TRPM4: variants seen among roughly 807,000 people sequenced by gnomAD.
The protein encoded by TRPM4 is calcium-activated non-selective cation channel 1.
TRPM4 carries 124 observed loss-of-function variants against 135.6 expected under a neutral mutation model. The ratio of observed to expected loss-of-function variants is 0.91; its 90% CI spans 0.79 to 1.06. TRPM4 has a LOEUF of 1.06. Among genes scored for constraint, TRPM4 ranks in the 50% least tolerant of loss-of-function variants. The pLI, the probability that TRPM4 is intolerant of heterozygous loss-of-function variation, is 0.00. For synonymous variants in TRPM4, 745 were observed against 705.6 expected, an observed-to-expected ratio of 1.06 and a Z score of -0.88; for missense variants, 1,658 against 1,671.4, an observed-to-expected ratio of 0.99 and a Z score of 0.14.
chr19:49,197,298 CTTTCTTTCTT>C (rs769819044), intron 17 of TRPM4, among the ~76,000 whole-genome samples: 196 of 124,368 alleles, frequency 1.6e-3, no homozygotes, highest in Admixed American at 2.2e-3. Context: ...CTTTCTTTCT[CTTTCTTTCTT>C]TTTCTTTCTT....
chr19:49,165,621 C>T (rs1192927919), intron 2 of TRPM4, among the ~76,000 whole-genome samples: 1 of 152,128 alleles, frequency 6.6e-6, no homozygotes. Context: ...TGAAGCCGCT[C>T]GCCCAAAGTC....
At position 49,182,655 on chromosome 19, in the gene TRPM4, C is replaced by A; in HGVS notation, c.1341C>A (p.His447Gln). ...AGTTCGTGCGCTTGCTCATTTCCCA[C>A]GGCCTCAGCCTGGGCCACTTCCTGA... ...RPEFVRLLIS[H>Q]GLSLGHFLTP... Residue 447 changes from histidine (H) to glutamine (Q), a missense_variant, in exon 11 of 25, where the codon CAC (histidine) becomes CAA (glutamine). By Grantham distance (24) the His-to-Gln change is conservative. Transcript: ENST00000252826. 6.2e-7 allele frequency: 1 copy of A among 1,614,226 alleles called. No individual in the cohort carries two copies.
chr19:49,185,397 A>G (rs1248102157), intron 12 of TRPM4, among the ~76,000 whole-genome samples: 1 of 152,078 alleles, frequency 6.6e-6, no homozygotes, highest in Non-Finnish European at 1.5e-5. Flanking sequence ...TACCAGCCAC[A>G]TGCCAAGCTA....
intron 2 of TRPM4, among the ~76,000 whole-genome samples, chr19:49,162,684 G>A (rs552457105): frequency 1.6e-4 from 24 of 152,130 alleles, no homozygotes; most frequent in African/African-American, 5.1e-4. Context: ...TTTTGGAAAC[G>A]TTCTATGTCT....
chr19:49,194,961 CA>C (rs899585300), intron 16 of TRPM4, among the ~76,000 whole-genome samples: 13 of 150,890 alleles, frequency 8.6e-5, no homozygotes, highest in African/African-American at 3.2e-4. Context: ...GGGGTTTCAC[CA>C]TGTTGCCCAG....
rs1331680465 is a variant in TRPM4, at chr19:49,157,794, G to A, written c.-73G>A. ...GTGGAGGATCCGGTTTGCTCTGGGCGGGTCTGGAAGCAGAGCCGGCGGAGG... is the reference window on the plus strand; with the variant it reads ...GTGGAGGATCCGGTTTGCTCTGGGCAGGTCTGGAAGCAGAGCCGGCGGAGG... On this transcript the variant is annotated 5_prime_UTR_variant, in exon 1 of 25. Coordinates refer to ENST00000252826, the MANE Select transcript of TRPM4 (RefSeq NM_017636.4). The A allele has an allele frequency of 6.5e-7, 1 of 1,529,516 alleles. No individual in the cohort carries two copies. Among genetic ancestry groups the A allele is most frequent in the Non-Finnish European group, 8.8e-7 (1 of 1,142,782 alleles). 94.7% of individuals were successfully genotyped at this position (1,529,516 alleles called of 1,614,324 possible). A position where few individuals can be genotyped will look rare whatever the true frequency, so the allele number is the denominator to read the frequency against.
At chr19:49,175,506 G>T (rs1411284963) in intron 9 of TRPM4, among the ~76,000 whole-genome samples, 1 of 151,872 alleles carries the variant, frequency 6.6e-6, no homozygotes, top group African/African-American at 2.4e-5. Context: ...ATTGTGCTTA[G>T]GCCAGAAGAA....
At chr19:49,161,937 C>T (rs1353950176) in intron 2 of TRPM4, among the ~76,000 whole-genome samples, 1 of 152,118 alleles carries the variant, frequency 6.6e-6, no homozygotes, top group Non-Finnish European at 1.5e-5. Flanking sequence ...GCCCTGGCTA[C>T]TTCTTTCTGT....
At position 49,162,447 on chromosome 19, in the gene TRPM4, G is replaced by A. The variant is rs543495236; in HGVS notation, c.93-3594G>A. Among the ~76,000 whole-genome samples, 451 of 152,224 alleles carry A rather than the reference G, an allele frequency of 3.0e-3. 1 individual carries two copies. The highest frequency in any genetic ancestry group is 0.01 in the African/African-American group (432 of 41,554). ...CCAGCTACTCAGGATGCTGAGGCAC[G>A]AGAGTCGCTTGAGCCCAGGTGGCAG... On this transcript the variant is annotated intron_variant, in intron 2 of 24. Transcript: ENST00000252826.
chr19:49,211,669 A>C lies in TRPM4; in HGVS notation c.*171A>C. 1.2e-6 allele frequency: 1 copy of C among 846,230 alleles called. No individual in the cohort carries two copies. The allele number at this position is 846,230 out of a possible 1,614,324, so 52.4% of individuals were successfully genotyped here. ...TGGGAGTGTCATCCTTACAAACCAC[A>C]GCATGCCCGGCTCCTCCCAGAACCA... On this transcript the variant is annotated 3_prime_UTR_variant, in exon 25 of 25. Coordinates refer to ENST00000252826, the MANE Select transcript of TRPM4 (RefSeq NM_017636.4). This position sits in a 1 kb window ranked among gnomAD's most constrained non-coding sequence, Gnocchi z 4.8.
chr19:49,166,236 C>T (rs1240223645), intron 3 of TRPM4, 21 bp downstream of exon 3: 40 of 1,575,868 alleles, frequency 2.5e-5, no homozygotes, highest in Non-Finnish European at 3.4e-5. Context: ...CCTCTGTGGG[C>T]GGGGCCCGGG....
At chr19:49,187,308 C>G (rs1217151840) in intron 12 of TRPM4, among the ~76,000 whole-genome samples, 1 of 151,764 alleles carries the variant, frequency 6.6e-6, no homozygotes, top group Non-Finnish European at 1.5e-5. Context: ...TTTGAAGTTC[C>G]CTACACTGGC....
At position 49,171,042 on chromosome 19, in the gene TRPM4, C is replaced by T. The variant is rs1180249413; in HGVS notation, c.797-315C>T. Among the ~76,000 whole-genome samples the T allele has an allele frequency of 2.0e-5, 3 of 151,898 alleles. No homozygotes were observed. Among genetic ancestry groups the T allele is most frequent in the Admixed American group, 6.6e-5 (1 of 15,222 alleles). On this transcript the variant is annotated intron_variant, in intron 6 of 24. Transcript: ENST00000252826. The surrounding 1 kb of genome is among the most constrained non-coding windows in gnomAD (Gnocchi z 4.7). Reference sequence around the variant, plus strand: ...TCATGCCCCTGCACTCTATCCTGGGCGATAGAGTGACACCCTGTTTCAGAA... The same window carrying T: ...TCATGCCCCTGCACTCTATCCTGGGTGATAGAGTGACACCCTGTTTCAGAA...
chr19:49,202,242 A>G (rs1968965817), intron 20 of TRPM4, 101 bp downstream of exon 20: 3 of 1,382,530 alleles, frequency 2.2e-6, no homozygotes, highest in Admixed American at 1.7e-5. Flanking sequence ...TTAGTCCCTG[A>G]ACTCTGATCC....
Position 49,202,276 on chromosome 19 carries a change from A to T in TRPM4, c.3131+135A>T, listed in dbSNP as rs562898126. ...CCAATCTAATGCTGCCTTCTCCCCA[A>T]ACCCAACCAGACCCTGCTTGTAATT... On this transcript the variant is annotated intron_variant, in intron 20 of 24. Transcript: ENST00000252826. The T allele has an allele frequency of 7.7e-6, 8 of 1,045,000 alleles. No homozygotes were observed. In the African/African-American group the frequency reaches 9.4e-5, roughly 12 times the overall value. The allele number at this position is 1,045,000 out of a possible 1,614,324, so 64.7% of individuals were successfully genotyped here. A position where few individuals can be genotyped will look rare whatever the true frequency, so the allele number is the denominator to read the frequency against.
chr19:49,199,319 C>T (rs1968824714), intron 17 of TRPM4, among the ~76,000 whole-genome samples: 1 of 151,968 alleles, frequency 6.6e-6, no homozygotes, highest in South Asian at 2.1e-4. Flanking sequence ...AGTGCAGTGG[C>T]GCGATCTCGG....
Position 49,210,759 on chromosome 19 carries a change from G to A in TRPM4, c.3378G>A (p.Ser1126=), listed in dbSNP as rs1247297513. Residue 1126 remains serine (S), a synonymous_variant, in exon 22 of 25, where the codon TCG becomes TCA. Coordinates refer to ENST00000252826, the MANE Select transcript of TRPM4 (RefSeq NM_017636.4). This position sits in a 1 kb window ranked among gnomAD's most constrained non-coding sequence, Gnocchi z 4.1. ...EAERKLLTWE[S]VHKENFLLAR... The stretch of plus-strand genomic sequence containing the variant: ...AGCGGAAGCTGCTAACGTGGGAATC[G>A]GTGCATAAGGAGAACTTTCTGCTGG... The A allele has an allele frequency of 1.2e-6, 2 of 1,614,152 alleles. No homozygotes were observed. The highest frequency in any genetic ancestry group is 2.7e-5 in the African/African-American group (2 of 75,060).
rs113959674 is a variant in TRPM4, at chr19:49,203,187, C to G, written c.3131+1046C>G. Among the ~76,000 whole-genome samples the G allele has an allele frequency of 3.1e-3, 457 of 146,180 alleles. 2 individuals carry two copies. Among genetic ancestry groups the G allele is most frequent in the Non-Finnish European group, 4.6e-3 (308 of 66,524 alleles). On this transcript the variant is annotated intron_variant, in intron 20 of 24. Coordinates refer to ENST00000252826, the MANE Select transcript of TRPM4 (RefSeq NM_017636.4). ...ATTACAGGCGTGAGCCACCGCGCCCCGCCTTTTTTTGAGATGGAGTCTCGC... is the reference window on the plus strand; with the variant it reads ...ATTACAGGCGTGAGCCACCGCGCCCGGCCTTTTTTTGAGATGGAGTCTCGC...
intron 20 of TRPM4, among the ~76,000 whole-genome samples, chr19:49,208,479 C>A (rs1969232134): frequency 6.6e-6 from 1 of 151,980 alleles, no homozygotes; most frequent in South Asian, 2.1e-4. Context: ...CTCTGGTGGC[C>A]CTGTCCAGGA....
Sources: allele counts gnomAD v4.1 joint callset (sites outside exome capture counted in the v4.1 genomes callset), GRCh38; gene constraint gnomAD v4.1.1; non-coding constraint Gnocchi (gnomAD v3.1); transcripts MANE v1.5; gene names NCBI Gene and HGNC (gene_info 2026-07-23, HGNC 2026-07-21).